The following RPH3A variants were observed in gnomAD, a reference collection of about 807,000 sequenced individuals.
RPH3A encodes rabphilin 3A, also known as rabphilin-3A.
A neutral mutation model predicts 102.2 loss-of-function variants in RPH3A; 48 were observed. The ratio of observed to expected loss-of-function variants is 0.47; its 90% CI spans 0.37 to 0.60. The LOEUF is 0.60. RPH3A is among the 20% of genes least tolerant of loss of function. The pLI is 0.00. For missense variants in RPH3A, 781 were observed against 910.1 expected, an observed-to-expected ratio of 0.86 and a Z score of 1.83; for synonymous variants, 310 against 324.3, an observed-to-expected ratio of 0.96 and a Z score of 0.47.
At chr12:112,718,617 C>T (rs559785160) in intron 1 of RPH3A, among the ~76,000 whole-genome samples, 8 of 152,266 alleles carry the variant, frequency 5.3e-5, no homozygotes, top group African/African-American at 1.9e-4. Flanking sequence ...TGCCACTGCG[C>T]GTTGCTGAGG....
chr12:112,650,109 T>A (rs2039963489), intron 1 of RPH3A, among the ~76,000 whole-genome samples: 1 of 152,166 alleles, frequency 6.6e-6, no homozygotes, highest in South Asian at 2.1e-4. Context: ...CAGATCCACA[T>A]CCCCTCAGTT....
chr12:112,663,705 G>C (rs1242625701), intron 1 of RPH3A, among the ~76,000 whole-genome samples: 1 of 152,008 alleles, frequency 6.6e-6, no homozygotes, highest in Non-Finnish European at 1.5e-5. Flanking sequence ...GTTTGAATTG[G>C]GTTTCTGTCA....
chr12:112,679,157 C>T (rs1733479444), intron 1 of RPH3A, among the ~76,000 whole-genome samples: 2 of 151,892 alleles, frequency 1.3e-5, no homozygotes, highest in African/African-American at 4.8e-5. Context: ...TTACTTACCA[C>T]ACTTTTTTTT....
chr12:112,714,108 TGTC>T (rs751756405), intron 1 of RPH3A, among the ~76,000 whole-genome samples: 96 of 151,970 alleles, frequency 6.3e-4, no homozygotes, highest in African/African-American at 2.1e-3. Flanking sequence ...GCTCAGAAAA[TGTC>T]GTTAAGATTC....
At chr12:112,630,433 A>G (rs2039796003) in intron 1 of RPH3A, among the ~76,000 whole-genome samples, 1 of 152,208 alleles carries the variant, frequency 6.6e-6, no homozygotes, top group African/African-American at 2.4e-5. Context: ...AGAAAACTTC[A>G]GCCTGATGCC....
chr12:112,847,986 C>T, intron 5 of RPH3A, 144 bp downstream of exon 5: 1 of 795,954 alleles, frequency 1.3e-6, no homozygotes, highest in South Asian at 1.9e-5. Context: ...ACCTCCCCGC[C>T]CCACCCCCTT....
At chr12:112,699,385 C>G (rs1039326447) in intron 1 of RPH3A, among the ~76,000 whole-genome samples, 7 of 152,212 alleles carry the variant, frequency 4.6e-5, no homozygotes, top group Non-Finnish European at 1.0e-4. Context: ...ACACAGATGT[C>G]TGTCAACAGG....
intron 1 of RPH3A, among the ~76,000 whole-genome samples, chr12:112,685,603 G>A (rs780264445): frequency 6.6e-5 from 10 of 152,164 alleles, no homozygotes; most frequent in African/African-American, 2.2e-4. Context: ...TTTAAGGGTC[G>A]TCTAGTCCTG....
chr12:112,715,125 A>C (rs1022232214), intron 1 of RPH3A, among the ~76,000 whole-genome samples: 1 of 152,154 alleles, frequency 6.6e-6, no homozygotes, highest in African/African-American at 2.4e-5. Flanking sequence ...CTTTTACCAC[A>C]TGAATCTTCT....
intron 1 of RPH3A, among the ~76,000 whole-genome samples, chr12:112,771,210 A>T (rs2040925485): frequency 6.6e-6 from 1 of 152,226 alleles, no homozygotes; most frequent in African/African-American, 2.4e-5. Flanking sequence ...TATTTTGGAC[A>T]CTTGTCTTTT....
intron 1 of RPH3A, among the ~76,000 whole-genome samples, chr12:112,716,842 T>C (rs1286338870): frequency 6.6e-6 from 1 of 152,268 alleles, no homozygotes; most frequent in Non-Finnish European, 1.5e-5. Context: ...AGCATGGCAC[T>C]GGACACTCTG....
At chr12:112,665,472 A>T (rs1184913100) in intron 1 of RPH3A, among the ~76,000 whole-genome samples, 1 of 152,210 alleles carries the variant, frequency 6.6e-6, no homozygotes, top group Non-Finnish European at 1.5e-5. Flanking sequence ...CTAATCACTT[A>T]ACCTTCTTAT....
At chr12:112,784,297 A>G (rs539884673) in intron 1 of RPH3A, among the ~76,000 whole-genome samples, 4 of 151,936 alleles carry the variant, frequency 2.6e-5, no homozygotes, top group South Asian at 2.1e-4. Context: ...CTCAGGTCCA[A>G]CCTCACCCCC....
intron 1 of RPH3A, among the ~76,000 whole-genome samples, chr12:112,754,201 T>C (rs762136489): frequency 3.3e-5 from 5 of 152,216 alleles, no homozygotes; most frequent in Non-Finnish European, 7.3e-5. Context: ...CCTGTCCACT[T>C]ACTGCTGTGT....
At chr12:112,704,294 T>G (rs2040414106) in intron 1 of RPH3A, among the ~76,000 whole-genome samples, 1 of 152,172 alleles carries the variant, frequency 6.6e-6, no homozygotes, top group African/African-American at 2.4e-5. Context: ...TTCACCATGT[T>G]GGGCAGGCTG....
In RPH3A at chr12:112,678,301, GAA is replaced by G. The variant is rs372112522; in HGVS notation, c.-140+102984_-140+102985del. Among the ~76,000 whole-genome samples, 285 of 86,852 alleles carry G rather than the reference GAA, an allele frequency of 3.3e-3. 5 individuals carry two copies. Among genetic ancestry groups the G allele is most frequent in the South Asian group, 8.9e-3 (27 of 3,046 alleles). 57.0% of individuals were successfully genotyped at this position (86,852 alleles called of 152,430 possible). A position where few individuals can be genotyped will look rare whatever the true frequency, so the allele number is the denominator to read the frequency against. ...AGAAAGAAAGAAAGAAAGAAAGAAA[GAA>G]AGAGAGAGAGAGAGAAAGAAAGAAA... On this transcript the variant is annotated intron_variant, in intron 1 of 21. Coordinates refer to the RPH3A transcript ENST00000543106.
intron 4 of RPH3A, among the ~76,000 whole-genome samples, chr12:112,839,341 A>G (rs2042106031): frequency 6.6e-6 from 1 of 152,028 alleles, no homozygotes; most frequent in Non-Finnish European, 1.5e-5. Flanking sequence ...TGAATAATGT[A>G]TCAACTTTCG....
At chr12:112,670,868 G>A (rs116708487) in intron 1 of RPH3A, among the ~76,000 whole-genome samples, 247 of 152,282 alleles carry the variant, frequency 1.6e-3, no homozygotes, top group Middle Eastern at 0.01. Flanking sequence ...CAAGACACGA[G>A]GCCAGCCCAG....
chr12:112,852,378 G>A (rs1401531109), intron 5 of RPH3A, among the ~76,000 whole-genome samples: 1 of 152,314 alleles, frequency 6.6e-6, no homozygotes, highest in Non-Finnish European at 1.5e-5. Context: ...GCATGCAGAG[G>A]AGGAAGGCAT....
Sources: gnomAD v4.1 joint callset for allele counts (sites outside exome capture counted in the v4.1 genomes callset) on GRCh38, gnomAD v4.1.1 for gene constraint, MANE v1.5 for transcripts, NCBI Gene and HGNC (gene_info 2026-07-23, HGNC 2026-07-21) for gene names.